Variants in PHACTR3 observed in about 807,000 individuals in gnomAD.
The protein encoded by PHACTR3 is protein phosphatase 1, regulatory subunit 123.
In PHACTR3, 16 loss-of-function variants were observed where a neutral mutation model predicts 66.8. That is an observed-to-expected ratio of 0.24 (90% CI 0.16 to 0.36). PHACTR3 has a LOEUF of 0.36. PHACTR3 is among the 10% of genes least tolerant of loss of function. PHACTR3 has a pLI of 1.00. For missense variants in PHACTR3, 647 were observed against 719.9 expected (o/e 0.90, Z 1.16); for synonymous variants, 323 against 292.1 (o/e 1.11, Z -1.08).
intron 10 of PHACTR3, 73 bp downstream of exon 10, chr20:59,840,503 T>A (rs1486954197): frequency 4.4e-6 from 7 of 1,591,558 alleles, no homozygotes; most frequent in Non-Finnish European, 5.1e-6. Context: ...GCAGGTGGGA[T>A]GGGTAATGCT....
At chr20:59,689,367 A>G (rs2037016636) in intron 1 of PHACTR3, among the ~76,000 whole-genome samples, 1 of 152,242 alleles carries the variant, frequency 6.6e-6, no homozygotes, top group African/African-American at 2.4e-5. Context: ...AAGCAGGAAG[A>G]TGGTGTGTCA....
chr20:59,769,415 G>T (rs904051023), intron 5 of PHACTR3, among the ~76,000 whole-genome samples: 3 of 152,240 alleles, frequency 2.0e-5, no homozygotes, highest in Non-Finnish European at 4.4e-5. Context: ...ACAGGGATGG[G>T]ACTGATGCAT....
chr20:59,592,993 G>T (rs1453804063), intron 1 of PHACTR3, among the ~76,000 whole-genome samples: 1 of 152,108 alleles, frequency 6.6e-6, no homozygotes, highest in South Asian at 2.1e-4. Context: ...ATGAGTTTTC[G>T]ACTTCTTTGT....
intron 3 of PHACTR3, among the ~76,000 whole-genome samples, chr20:59,751,603 G>C (rs77710468): frequency 0.028 from 4,249 of 152,258 alleles, 80 homozygotes; most frequent in Non-Finnish European, 0.036. Context: ...GGGTGAGGCA[G>C]CATCCAGGGC....
chr20:59,794,143 A>AAG (rs1555844422), intron 7 of PHACTR3, among the ~76,000 whole-genome samples: 124 of 151,034 alleles, frequency 8.2e-4, no homozygotes, highest in Non-Finnish European at 1.1e-3. Context: ...AAAAAAAAAA[A>AAG]GAGTGGTCAT....
At chr20:59,806,286 G>T (rs575926543) in intron 8 of PHACTR3, 92 bp downstream of exon 8, 2 of 1,496,720 alleles carry the variant, frequency 1.3e-6, no homozygotes, top group Admixed American at 4.1e-5. Context: ...GTGCCAGGCC[G>T]GGACGCACAA....
At chr20:59,695,587 G>T (rs1402617240) in intron 1 of PHACTR3, among the ~76,000 whole-genome samples, 1 of 152,100 alleles carries the variant, frequency 6.6e-6, no homozygotes. Flanking sequence ...GCTGTATCTT[G>T]GGTTTTTAAA....
intron 4 of PHACTR3, among the ~76,000 whole-genome samples, chr20:59,755,762 T>C (rs1199116475): frequency 1.3e-5 from 2 of 152,208 alleles, no homozygotes; most frequent in Non-Finnish European, 2.9e-5. Flanking sequence ...GGGACTTTTC[T>C]GTGGCCGAAA....
chr20:59,765,344 G>A (rs1020952769), intron 4 of PHACTR3, among the ~76,000 whole-genome samples: 1 of 152,160 alleles, frequency 6.6e-6, no homozygotes, highest in Non-Finnish European at 1.5e-5. Context: ...TTTTCATGTG[G>A]GTATCCATGC....
intron 8 of PHACTR3, among the ~76,000 whole-genome samples, chr20:59,815,598 T>C (rs2041865838): frequency 6.6e-6 from 1 of 152,042 alleles, no homozygotes; most frequent in Admixed American, 6.6e-5. Context: ...CTAACTTTTG[T>C]ATTTTTAGTA....
chr20:59,827,223 C>T (rs2042219133), intron 8 of PHACTR3, among the ~76,000 whole-genome samples: 1 of 152,092 alleles, frequency 6.6e-6, no homozygotes, highest in Admixed American at 6.6e-5. Context: ...ACCAGCTGGC[C>T]TTCATGGGCG....
At chr20:59,845,399 G>A in intron 12 of PHACTR3, 134 bp downstream of exon 12, 1 of 591,310 alleles carries the variant, frequency 1.7e-6, no homozygotes, top group South Asian at 2.4e-5. Flanking sequence ...TGAACAAATA[G>A]AATGTACCTC....
At chr20:59,681,150 G>A (rs560848787) in intron 1 of PHACTR3, among the ~76,000 whole-genome samples, 3 of 151,858 alleles carry the variant, frequency 2.0e-5, no homozygotes, top group African/African-American at 7.2e-5. Context: ...CAGCATAGCT[G>A]AGGCAGAGAC....
At chr20:59,609,389 T>A (rs1301954859) in intron 1 of PHACTR3, among the ~76,000 whole-genome samples, 1 of 152,146 alleles carries the variant, frequency 6.6e-6, no homozygotes, top group Non-Finnish European at 1.5e-5. Context: ...CACCAGGCTC[T>A]GTTCTTGACA....
intron 7 of PHACTR3, among the ~76,000 whole-genome samples, chr20:59,790,651 C>T (rs1360741648): frequency 2.6e-5 from 4 of 152,196 alleles, no homozygotes; most frequent in Non-Finnish European, 4.4e-5. Flanking sequence ...GAACCAGGAC[C>T]AGCTGTGGTG....
At chr20:59,679,563 T>A (rs1334886820) in intron 1 of PHACTR3, among the ~76,000 whole-genome samples, 1 of 152,150 alleles carries the variant, frequency 6.6e-6, no homozygotes, top group Non-Finnish European at 1.5e-5. Context: ...CACAGCTGTG[T>A]TGCTCTGGGT....
rs771416604 is a variant in PHACTR3 at position 59,830,481 on chromosome 20, GAGC to G, written c.1329-6021_1329-6019del. 5.9e-5 allele frequency among the ~76,000 whole-genome samples: 9 copies of G among 152,088 alleles called. No individual in the cohort carries two copies. Among genetic ancestry groups the G allele is most frequent in the Non-Finnish European group, 1.0e-4 (7 of 68,016 alleles). On this transcript the variant is annotated intron_variant, in intron 8 of 12. Transcript: ENST00000371015. This position sits in a 1 kb window ranked among gnomAD's most constrained non-coding sequence, Gnocchi z 5.8. ...GTGAACATCTGATGGAGGTGTGAAT[GAGC>G]AGATGTTGAAAGAGGGTGTGAGCAT...
intron 1 of PHACTR3, among the ~76,000 whole-genome samples, chr20:59,697,134 C>T (rs2037326889): frequency 6.6e-6 from 1 of 152,126 alleles, no homozygotes; most frequent in Non-Finnish European, 1.5e-5. Context: ...CCCCACTTAC[C>T]AGGATATGAA....
At chr20:59,644,028 G>A (rs572901028) in intron 1 of PHACTR3, among the ~76,000 whole-genome samples, 10 of 152,282 alleles carry the variant, frequency 6.6e-5, no homozygotes, top group Admixed American at 2.6e-4. Flanking sequence ...GACCTGGAAC[G>A]TTCCAGAGTA....
Sources: allele counts gnomAD v4.1 joint callset (sites outside exome capture counted in the v4.1 genomes callset), GRCh38; gene constraint gnomAD v4.1.1; non-coding constraint Gnocchi (gnomAD v3.1); transcripts MANE v1.5; gene names NCBI Gene and HGNC (gene_info 2026-07-23, HGNC 2026-07-21).